The following WDFY4 variants were observed in gnomAD, a reference collection of about 807,000 sequenced individuals.
WDFY4 encodes WD repeat- and FYVE domain-containing protein 4.
A neutral mutation model predicts 351.9 loss-of-function variants in WDFY4; 169 were observed. The ratio of observed to expected loss-of-function variants is 0.48; its 90% CI spans 0.42 to 0.55. The LOEUF (loss-of-function observed/expected upper bound fraction) is 0.55, where lower values mean the gene tolerates loss of function less well. Ranked by LOEUF, WDFY4 falls within the 20% of genes least tolerant of loss-of-function variation. The pLI, the probability that WDFY4 is intolerant of heterozygous loss-of-function variation, is 0.00. For missense variants in WDFY4, 3,803 were observed against 3,935.6 expected, an observed-to-expected ratio of 0.97 and a Z score of 0.90; for synonymous variants, 1,622 against 1,574.6, an observed-to-expected ratio of 1.03 and a Z score of -0.71.
chr10:48,693,261 G>C (rs974203148), intron 1 of WDFY4, among the ~76,000 whole-genome samples: 8 of 152,166 alleles, frequency 5.3e-5, no homozygotes, highest in Admixed American at 5.2e-4. Flanking sequence ...CTGACAGTGT[G>C]GGGTGGATGG....
chr10:48,775,470 C>T (rs2066000637), intron 14 of WDFY4, among the ~76,000 whole-genome samples: 1 of 152,208 alleles, frequency 6.6e-6, no homozygotes, highest in African/African-American at 2.4e-5. Flanking sequence ...TACAAATTTA[C>T]TTTGTGACAT....
chr10:48,968,484 A>T (rs1842187366), intron 55 of WDFY4: 1 of 153,166 alleles, frequency 6.5e-6, no homozygotes, highest in South Asian at 2.1e-4. Context: ...TGGTTCTCCC[A>T]CTTCACCCAG....
chr10:48,877,208 C>G lies in WDFY4; in HGVS notation c.7167+9C>G, dbSNP rs190831884. On this transcript the variant is annotated intron_variant, in intron 43 of 61. Coordinates refer to ENST00000325239, the MANE Select transcript of WDFY4 (RefSeq NM_001394531.1). ...TTCTTGATAAAGAAAAGGTAATATACCCCATTGCAATAGCCTTTAAGATTT... is the reference window on the plus strand; with the variant it reads ...TTCTTGATAAAGAAAAGGTAATATAGCCCATTGCAATAGCCTTTAAGATTT... 1 of 1,550,182 alleles carries G rather than the reference C, an allele frequency of 6.5e-7. No individual in the cohort carries two copies. Among genetic ancestry groups the G allele is most frequent in the Middle Eastern group, 1.7e-4 (1 of 5,964 alleles).
At chr10:48,720,546 T>G (rs552543722) in intron 3 of WDFY4, among the ~76,000 whole-genome samples, 10 of 150,438 alleles carry the variant, frequency 6.6e-5, no homozygotes, top group African/African-American at 2.2e-4. Context: ...CAGAGACTAC[T>G]CACAGAAACT....
chr10:48,783,422 T>C (rs1037326488), intron 19 of WDFY4, among the ~76,000 whole-genome samples: 18 of 151,932 alleles, frequency 1.2e-4, no homozygotes, highest in Non-Finnish European at 2.5e-4. Context: ...AATCCAAGGA[T>C]ATGGAACCCC....
Position 48,937,872 on chromosome 10 carries a change from G to A in WDFY4, c.7587-3934G>A, listed in dbSNP as rs371748203. On this transcript the variant is annotated intron_variant, in intron 47 of 61. Transcript: ENST00000325239. Reference sequence around the variant, plus strand: ...TTCTTAGGAGAAATAAATGGGGAGAGAGGGAGTGTGTTTGGCTTCTCACTG... The same window carrying A: ...TTCTTAGGAGAAATAAATGGGGAGAAAGGGAGTGTGTTTGGCTTCTCACTG... 9.2e-5 allele frequency among the ~76,000 whole-genome samples: 14 copies of A among 152,158 alleles called. 1 individual carries two copies. Among genetic ancestry groups the A allele is most frequent in the East Asian group, 5.8e-4 (3 of 5,188 alleles).
chr10:48,882,975 TTA>T (rs2070312320), intron 43 of WDFY4, among the ~76,000 whole-genome samples: 1 of 152,084 alleles, frequency 6.6e-6, no homozygotes, highest in African/African-American at 2.4e-5. Context: ...CAGATCTCTC[TTA>T]TTCTCAGTTC....
intron 39 of WDFY4, among the ~76,000 whole-genome samples, chr10:48,861,418 G>A (rs1210629408): frequency 2.6e-5 from 4 of 152,056 alleles, no homozygotes; most frequent in Non-Finnish European, 4.4e-5. Flanking sequence ...CTTTATCTTA[G>A]AATGTGTTAA....
chr10:48,975,067 G>A (rs891385301), intron 58 of WDFY4, 26 bp downstream of exon 58: 24 of 1,551,624 alleles, frequency 1.5e-5, no homozygotes, highest in South Asian at 1.3e-4. Context: ...CTCAGTGTCC[G>A]TGTCCTCACC....
intron 39 of WDFY4, among the ~76,000 whole-genome samples, chr10:48,861,165 TCA>T (rs2069329027): frequency 6.6e-6 from 1 of 152,216 alleles, no homozygotes. Flanking sequence ...TCGTTTAAAA[TCA>T]CACAGTGTTA....
chr10:48,919,817 A>G (rs1233965951), intron 47 of WDFY4, among the ~76,000 whole-genome samples: 1 of 152,252 alleles, frequency 6.6e-6, no homozygotes, highest in Non-Finnish European at 1.5e-5. Context: ...GGGGGACACA[A>G]ACATTCAATC....
chr10:48,807,422 A>G (rs2067294468), intron 27 of WDFY4, among the ~76,000 whole-genome samples: 1 of 152,214 alleles, frequency 6.6e-6, no homozygotes. Context: ...ATTGTAGCAT[A>G]GACATCCAAA....
chr10:48,742,473 A>G (rs978510824), intron 11 of WDFY4, among the ~76,000 whole-genome samples: 2 of 152,250 alleles, frequency 1.3e-5, no homozygotes, highest in East Asian at 1.9e-4. Flanking sequence ...CCTGTACAGT[A>G]TAAGAGATGG....
intron 35 of WDFY4, chr10:48,823,868 C>T (rs554846405): frequency 2.0e-5 from 20 of 985,908 alleles, no homozygotes; most frequent in Non-Finnish European, 2.4e-5. Flanking sequence ...ATCTGAGGAG[C>T]AGGAGAGGAA....
intron 47 of WDFY4, chr10:48,910,291 T>TGCTCCAGGCCACAGAGGCAAAC: frequency 6.2e-7 from 1 of 1,609,300 alleles, no homozygotes; most frequent in Non-Finnish European, 8.5e-7. Flanking sequence ...GTGAGGCAAT[T>TGCTCCAGGCCACAGAGGCAAAC]GCTCCAGGCC....
intron 13 of WDFY4, among the ~76,000 whole-genome samples, chr10:48,767,627 G>A (rs926945828): frequency 2.6e-5 from 4 of 152,164 alleles, no homozygotes; most frequent in African/African-American, 9.7e-5. Context: ...GTTAAAATGG[G>A]GAGGAGAAGG....
At chr10:48,729,166 G>A (rs899565218) in intron 7 of WDFY4, among the ~76,000 whole-genome samples, 2 of 152,244 alleles carry the variant, frequency 1.3e-5, no homozygotes, top group Non-Finnish European at 2.9e-5. Context: ...TCTTTTGGAG[G>A]TTCAGTCATG....
intron 39 of WDFY4, 92 bp downstream of exon 39, chr10:48,832,801 A>G: frequency 7.1e-7 from 1 of 1,399,246 alleles, no homozygotes. Flanking sequence ...GTTACTAGAC[A>G]TGATCTAACT....
At chr10:48,822,197 G>C (rs3747878) in intron 34 of WDFY4, among the ~76,000 whole-genome samples, 183 bp from the exon 35 acceptor site, 35,245 of 152,152 alleles carry the variant, frequency 0.23, 5,042 homozygotes, top group East Asian at 0.71. Flanking sequence ...GATTACTCAA[G>C]ATCTGTTCAT....
Sources: allele counts gnomAD v4.1 joint callset (sites outside exome capture counted in the v4.1 genomes callset), GRCh38; gene constraint gnomAD v4.1.1; transcripts MANE v1.5; gene names NCBI Gene and HGNC (gene_info 2026-07-23, HGNC 2026-07-21).